Variants in SBF2 observed in about 807,000 individuals in gnomAD.
SBF2 encodes myotubularin-related protein 13.
SBF2 carries 112 observed loss-of-function variants against 225.2 expected under a neutral mutation model. That is an observed-to-expected ratio of 0.50 (90% CI 0.43 to 0.58). The LOEUF (loss-of-function observed/expected upper bound fraction) is 0.58. Ranked by LOEUF, SBF2 falls within the 20% of genes least tolerant of loss-of-function variation. The pLI is 0.00. For missense variants in SBF2, 1,996 were observed against 2,206.2 expected (o/e 0.90, Z 1.91); for synonymous variants, 763 against 773.3 (o/e 0.99, Z 0.22).
At chr11:10,188,981 C>T (rs1322751222) in intron 2 of SBF2, among the ~76,000 whole-genome samples, 1 of 152,214 alleles carries the variant, frequency 6.6e-6, no homozygotes, top group Non-Finnish European at 1.5e-5. Context: ...AATCAAGAGT[C>T]CTTCCACACA....
chr11:9,880,823 C>T (rs766236780), intron 17 of SBF2, among the ~76,000 whole-genome samples: 5 of 152,224 alleles, frequency 3.3e-5, no homozygotes, highest in African/African-American at 9.6e-5. Context: ...TGGATTGCAG[C>T]TATCCTAGAA....
At chr11:9,845,045 T>C (rs1186082435) in intron 24 of SBF2, among the ~76,000 whole-genome samples, 4 of 152,100 alleles carry the variant, frequency 2.6e-5, no homozygotes, top group African/African-American at 9.7e-5. Context: ...AATATGTGTA[T>C]ATATGAGAGA....
At chr11:10,094,528 A>ATT (rs60485793) in intron 2 of SBF2, among the ~76,000 whole-genome samples, 13 of 107,286 alleles carry the variant, frequency 1.2e-4, no homozygotes, top group African/African-American at 3.0e-4. Flanking sequence ...ATACACACAG[A>ATT]TTTTTTTTTT....
At position 9,876,316 on chromosome 11, in the gene SBF2, T is replaced by C. The variant is rs574638296; in HGVS notation, c.1930-17920A>G. On this transcript the variant is annotated intron_variant, in intron 17 of 39. Transcript: ENST00000256190. ...AGATGATACCTCTTTCAAAATGCCC[T>C]CCCTGTTTGCTCTCTCTTTATTTAC... Among the ~76,000 whole-genome samples the C allele has an allele frequency of 5.9e-5, 9 of 152,326 alleles. 1 individual carries two copies. In the South Asian group the frequency reaches 1.2e-3, roughly 21 times the overall value.
At chr11:10,160,860 A>G (rs1274305922) in intron 2 of SBF2, among the ~76,000 whole-genome samples, 1 of 152,076 alleles carries the variant, frequency 6.6e-6, no homozygotes, top group African/African-American at 2.4e-5. Context: ...TCATCCTTCA[A>G]AACTACACGT....
intron 1 of SBF2, among the ~76,000 whole-genome samples, chr11:10,300,265 T>C (rs1468177106): frequency 6.6e-6 from 1 of 152,230 alleles, no homozygotes; most frequent in African/African-American, 2.4e-5. Flanking sequence ...GCATTGGTGA[T>C]TACTGTATGT....
Position 10,002,673 on chromosome 11 carries a change from G to A in SBF2, c.636C>T (p.Leu212=), listed in dbSNP as rs926050733. 11 of 1,613,390 alleles carry A rather than the reference G, an allele frequency of 6.8e-6. No homozygotes were observed. Among genetic ancestry groups the A allele is most frequent in the South Asian group, 1.1e-5 (1 of 91,076 alleles). Residue 212 remains leucine (L), a synonymous_variant, in exon 7 of 40, where the codon CTC becomes CTT. Coordinates refer to ENST00000256190, the MANE Select transcript of SBF2 (RefSeq NM_030962.4). ...CTGTGAGGACTGCACAAAAGAGGCT[G>A]AGGACATTTTGAATTCCTGAAAACA... ...LFQQLGIQNV[L]SLFCAVLTEN...
chr11:9,798,737 G>C (rs148177591), intron 32 of SBF2, among the ~76,000 whole-genome samples: 2,994 of 152,270 alleles, frequency 0.02, 57 homozygotes, highest in Non-Finnish European at 0.031. Context: ...ATGAGGTCAG[G>C]AGATTGAGAC....
chr11:10,105,872 T>C (rs1952525449), intron 2 of SBF2, among the ~76,000 whole-genome samples: 1 of 152,200 alleles, frequency 6.6e-6, no homozygotes, highest in African/African-American at 2.4e-5. Flanking sequence ...ATATCAGTGA[T>C]AGCTGACAGA....
At chr11:10,155,798 A>T (rs909323210) in intron 2 of SBF2, among the ~76,000 whole-genome samples, 3 of 152,270 alleles carry the variant, frequency 2.0e-5, no homozygotes, top group Admixed American at 2.0e-4. Context: ...TGTACTTTAT[A>T]CTATTTGTAT....
chr11:9,820,815 G>A (rs183446844), intron 28 of SBF2, among the ~76,000 whole-genome samples: 32 of 152,260 alleles, frequency 2.1e-4, no homozygotes, highest in Admixed American at 1.2e-3. Context: ...AGTTCACTAC[G>A]TCAAAAGGAA....
chr11:9,844,671 T>C (rs1019518446), intron 24 of SBF2, among the ~76,000 whole-genome samples: 10 of 152,174 alleles, frequency 6.6e-5, no homozygotes, highest in African/African-American at 1.9e-4. Context: ...AATGTGAATA[T>C]AGACTCTGGG....
chr11:9,938,518 C>T (rs1166920320), intron 16 of SBF2, among the ~76,000 whole-genome samples: 1 of 151,246 alleles, frequency 6.6e-6, no homozygotes, highest in Non-Finnish European at 1.5e-5. Flanking sequence ...ACATAATGTC[C>T]TTTTATCAAA....
chr11:10,001,048 A>C, intron 7 of SBF2, 26 bp from the exon 8 acceptor site: 3 of 1,203,048 alleles, frequency 2.5e-6, no homozygotes, highest in Non-Finnish European at 3.7e-6. Flanking sequence ...ATATGCGTCA[A>C]ATATATTTTT....
intron 2 of SBF2, among the ~76,000 whole-genome samples, chr11:10,144,338 A>C (rs1235477305): frequency 6.6e-6 from 1 of 151,968 alleles, no homozygotes; most frequent in Non-Finnish European, 1.5e-5. Context: ...AAAACACAAA[A>C]ATTAGCCAAG....
chr11:9,931,840 A>C (rs140557414), intron 16 of SBF2, among the ~76,000 whole-genome samples: 22,153 of 152,130 alleles, frequency 0.15, 1,803 homozygotes, highest in East Asian at 0.39. Flanking sequence ...CTCCAAGCTA[A>C]AGGAGCATGT....
In SBF2 at chr11:9,993,892, G is replaced by A. The variant is rs535372575; in HGVS notation, c.1053+29C>T. 7.8e-5 allele frequency: 114 copies of A among 1,469,332 alleles called. 1 individual carries two copies. The highest frequency in any genetic ancestry group is 2.0e-4 in the Admixed American group (12 of 59,724). The allele number at this position is 1,469,332 out of a possible 1,614,324, so 91.0% of individuals were successfully genotyped here. On this transcript the variant is annotated intron_variant, in intron 10 of 39. Transcript: ENST00000256190. ...AATAAAAATACAGCTCTCTTTAACAGCATTAAATTTAAATATTAAACTTCT... is the reference window on the plus strand; with the variant it reads ...AATAAAAATACAGCTCTCTTTAACAACATTAAATTTAAATATTAAACTTCT...
At chr11:10,256,507 A>C (rs1481769371) in intron 1 of SBF2, among the ~76,000 whole-genome samples, 1 of 152,232 alleles carries the variant, frequency 6.6e-6, no homozygotes, top group Admixed American at 6.5e-5. Flanking sequence ...ATTGTGGCAA[A>C]GAAGAATGGC....
At chr11:9,949,195 G>A (rs559612676) in intron 16 of SBF2, among the ~76,000 whole-genome samples, 1 of 152,182 alleles carries the variant, frequency 6.6e-6, no homozygotes, top group African/African-American at 2.4e-5. Context: ...GAAAATAAAT[G>A]CTATTGATTT....
Sources: gnomAD v4.1 joint callset for allele counts (sites outside exome capture counted in the v4.1 genomes callset) on GRCh38, gnomAD v4.1.1 for gene constraint, MANE v1.5 for transcripts, NCBI Gene and HGNC (gene_info 2026-07-23, HGNC 2026-07-21) for gene names.